The following KPNA5 variants were observed in gnomAD, a reference collection of about 807,000 sequenced individuals.
The protein encoded by KPNA5 is karyopherin subunit alpha 5.
KPNA5 carries 46 observed loss-of-function variants against 71.3 expected under a neutral mutation model. The ratio of observed to expected loss-of-function variants is 0.65; its 90% CI spans 0.51 to 0.83. The LOEUF (loss-of-function observed/expected upper bound fraction) is 0.83. Among genes scored for constraint, KPNA5 ranks in the 40% least tolerant of loss-of-function variants. The pLI is 0.00. For synonymous variants in KPNA5, 207 were observed against 201.4 expected (o/e 1.03, Z -0.24); for missense variants, 547 against 628.3 (o/e 0.87, Z 1.38).
intron 4 of KPNA5, among the ~76,000 whole-genome samples, chr6:116,696,033 C>T (rs1285928888): frequency 1.3e-5 from 2 of 151,994 alleles, no homozygotes; most frequent in African/African-American, 2.4e-5. Flanking sequence ...TTTTTTAAGC[C>T]TTTATATGTC....
intron 1 of KPNA5, among the ~76,000 whole-genome samples, chr6:116,686,445 T>C (rs1409426982): frequency 6.6e-6 from 1 of 152,210 alleles, no homozygotes; most frequent in African/African-American, 2.4e-5. Flanking sequence ...AGATGCTGGA[T>C]ATTAGACCTT....
intron 7 of KPNA5, among the ~76,000 whole-genome samples, chr6:116,711,824 G>A (rs1468880232): frequency 2.6e-5 from 4 of 152,138 alleles, no homozygotes; most frequent in Non-Finnish European, 4.4e-5. Flanking sequence ...GTTTTGCCAC[G>A]TTGGCCCGGC....
intron 6 of KPNA5, among the ~76,000 whole-genome samples, chr6:116,703,293 G>C (rs1321760215): frequency 6.9e-6 from 1 of 145,088 alleles, no homozygotes; most frequent in African/African-American, 2.5e-5. Context: ...ATGAAGTCTT[G>C]CTCTCGTCCC....
At chr6:116,713,088 GA>G (rs1778764950) in intron 7 of KPNA5, among the ~76,000 whole-genome samples, 2 of 151,530 alleles carry the variant, frequency 1.3e-5, no homozygotes, top group African/African-American at 4.8e-5. Flanking sequence ...GTCATGTAGG[GA>G]AAAAAAGAGG....
At chr6:116,701,144 T>C (rs567725415) in intron 5 of KPNA5, among the ~76,000 whole-genome samples, 1 of 152,346 alleles carries the variant, frequency 6.6e-6, no homozygotes, top group African/African-American at 2.4e-5. Context: ...AACTGTACTT[T>C]TTAATATTTC....
At chr6:116,722,988 G>A (rs1413599930) in intron 9 of KPNA5, among the ~76,000 whole-genome samples, 1 of 152,166 alleles carries the variant, frequency 6.6e-6, no homozygotes, top group Admixed American at 6.5e-5. Context: ...CATGAGGATA[G>A]CATCAGTGGA....
chr6:116,716,090 G>T (rs1178848236), intron 7 of KPNA5, 129 bp from the exon 8 acceptor site: 2 of 658,888 alleles, frequency 3.0e-6, no homozygotes, highest in African/African-American at 1.8e-5. Flanking sequence ...ATGAATTTTA[G>T]ATTCTTTTTT....
At chr6:116,713,661 T>G (rs1778784551) in intron 7 of KPNA5, among the ~76,000 whole-genome samples, 1 of 152,214 alleles carries the variant, frequency 6.6e-6, no homozygotes, top group South Asian at 2.1e-4. Context: ...ATTTCCATTA[T>G]GCATATATTG....
chr6:116,727,434 A>G (rs964942023), intron 12 of KPNA5, among the ~76,000 whole-genome samples: 1 of 152,088 alleles, frequency 6.6e-6, no homozygotes, highest in Non-Finnish European at 1.5e-5. Context: ...TAAAAACACA[A>G]TACAACAATT....
At chr6:116,728,529 C>G (rs563184469) in intron 12 of KPNA5, among the ~76,000 whole-genome samples, 1 of 152,218 alleles carries the variant, frequency 6.6e-6, no homozygotes, top group South Asian at 2.1e-4. Flanking sequence ...CTGGTACTTT[C>G]ATGTATTTTA....
At chr6:116,681,851 G>A (rs1316215411) in intron 1 of KPNA5, among the ~76,000 whole-genome samples, 1 of 152,108 alleles carries the variant, frequency 6.6e-6, no homozygotes, top group Non-Finnish European at 1.5e-5. Context: ...AGGCAAGCCT[G>A]GGTTCCACGC....
At chr6:116,683,196 G>GT (rs549781850) in intron 1 of KPNA5, among the ~76,000 whole-genome samples, 15 of 152,220 alleles carry the variant, frequency 9.9e-5, no homozygotes, top group East Asian at 5.8e-4. Context: ...AAAAATTTCT[G>GT]TTTTTTGTGA....
intron 7 of KPNA5, among the ~76,000 whole-genome samples, chr6:116,709,906 G>T (rs1468833966): frequency 1.3e-5 from 2 of 151,830 alleles, no homozygotes; most frequent in African/African-American, 4.8e-5. Flanking sequence ...GACTACAAGC[G>T]TGCACTACCA....
intron 1 of KPNA5, among the ~76,000 whole-genome samples, chr6:116,683,674 G>T (rs966219784): frequency 6.6e-6 from 1 of 151,718 alleles, no homozygotes; most frequent in Admixed American, 6.6e-5. Flanking sequence ...CCGCCTCCCG[G>T]GGTTCATGCC....
chr6:116,712,680 G>C (rs1428775346), intron 7 of KPNA5, among the ~76,000 whole-genome samples: 3 of 152,068 alleles, frequency 2.0e-5, no homozygotes, highest in Non-Finnish European at 4.4e-5. Flanking sequence ...GCCTAGGCTG[G>C]TCTTAAACTC....
Position 116,692,394 on chromosome 6 carries a change from C to G in KPNA5, c.340+2C>G. On this transcript the variant is annotated splice_donor_variant, in intron 4 of 13. Transcript: ENST00000368564. LOFTEE classifies it high-confidence loss of function. ...AATTTAGAAAGCTGCTTTCTAAAGG[C>G]AAGAATTATTTTCAGTATGCTTATT... The G allele has an allele frequency of 6.4e-7, 1 of 1,565,380 alleles. No homozygotes were observed. The highest frequency in any genetic ancestry group is 1.4e-5 in the African/African-American group (1 of 73,178).
chr6:116,715,483 A>G (rs1329694343), intron 7 of KPNA5, among the ~76,000 whole-genome samples: 1 of 152,210 alleles, frequency 6.6e-6, no homozygotes, highest in Non-Finnish European at 1.5e-5. Flanking sequence ...ACCAAGGTTC[A>G]TTGCAAACTA....
chr6:116,721,439 C>T (rs1779102804), intron 8 of KPNA5, among the ~76,000 whole-genome samples: 1 of 151,994 alleles, frequency 6.6e-6, no homozygotes, highest in African/African-American at 2.4e-5. Context: ...AGGCATGAGC[C>T]ACCGTGCCCA....
At chr6:116,710,858 TGTA>T (rs1411904714) in intron 7 of KPNA5, among the ~76,000 whole-genome samples, 1 of 134,560 alleles carries the variant, frequency 7.4e-6, no homozygotes, top group African/African-American at 2.7e-5. Flanking sequence ...CATTCTTAAT[TGTA>T]GTAATATTAT....
Sources: allele counts gnomAD v4.1 joint callset (sites outside exome capture counted in the v4.1 genomes callset), GRCh38; gene constraint gnomAD v4.1.1; transcripts MANE v1.5; gene names NCBI Gene and HGNC (gene_info 2026-07-23, HGNC 2026-07-21).